Variants in EPSTI1 observed in about 807,000 individuals in gnomAD.
EPSTI1 encodes the protein epithelial-stromal interaction protein 1.
In EPSTI1, 66 loss-of-function variants were observed where a neutral mutation model predicts 49.9. The observed-to-expected ratio is 1.32, with a 90% CI of 1.08 to 1.62. The LOEUF is 1.62. Among genes scored for constraint, EPSTI1 ranks in the 40% most tolerant of loss-of-function variants. The pLI is 0.00. For missense variants in EPSTI1, 394 were observed against 365.5 expected (o/e 1.08, Z -0.64); for synonymous variants, 137 against 130.7 (o/e 1.05, Z -0.33).
chr13:42,963,662 C>A, intron 4 of EPSTI1: 1 of 322,986 alleles, frequency 3.1e-6, no homozygotes. Flanking sequence ...ATAATTTTTC[C>A]TGATTACAAA....
intron 6 of EPSTI1, among the ~76,000 whole-genome samples, chr13:42,935,601 AT>A (rs1029066476): frequency 7.8e-4 from 119 of 151,868 alleles, no homozygotes; most frequent in African/African-American, 2.7e-3. Context: ...TTTATTTTTT[AT>A]TTTTTTGAGG....
At chr13:42,968,345 A>C (rs2039674171) in intron 3 of EPSTI1, among the ~76,000 whole-genome samples, 1 of 151,866 alleles carries the variant, frequency 6.6e-6, no homozygotes, top group Non-Finnish European at 1.5e-5. Flanking sequence ...GGGTGTGGGG[A>C]GGGAACTTCT....
intron 6 of EPSTI1, among the ~76,000 whole-genome samples, chr13:42,942,024 GT>G (rs1243378962): frequency 6.6e-6 from 1 of 152,090 alleles, no homozygotes. Context: ...TTTGTCATAT[GT>G]ATTTCAAACC....
chr13:42,924,175 A>T (rs747770266), intron 7 of EPSTI1, among the ~76,000 whole-genome samples: 1 of 152,262 alleles, frequency 6.6e-6, no homozygotes, highest in Non-Finnish European at 1.5e-5. Flanking sequence ...CAGAATGAGA[A>T]GAGTATAATA....
intron 9 of EPSTI1, among the ~76,000 whole-genome samples, chr13:42,898,360 T>C (rs1263802964): frequency 6.6e-6 from 1 of 152,232 alleles, no homozygotes; most frequent in East Asian, 1.9e-4. Context: ...TCATTGAGTA[T>C]GTATTCTCAC....
At chr13:42,983,324 G>C (rs1005555628) in intron 1 of EPSTI1, among the ~76,000 whole-genome samples, 2 of 152,066 alleles carry the variant, frequency 1.3e-5, no homozygotes, top group African/African-American at 2.4e-5. Flanking sequence ...TCAGCACTTT[G>C]GGAGGCCAAG....
At chr13:42,925,331 TG>T (rs2038137197) in intron 7 of EPSTI1, among the ~76,000 whole-genome samples, 1 of 152,180 alleles carries the variant, frequency 6.6e-6, no homozygotes, top group East Asian at 1.9e-4. Context: ...GCTCACAGAA[TG>T]GGGTTTAGGT....
At chr13:42,974,490 T>C (rs1239601745) in intron 1 of EPSTI1, among the ~76,000 whole-genome samples, 3 of 127,886 alleles carry the variant, frequency 2.3e-5, no homozygotes, top group East Asian at 4.7e-4. Context: ...ACCCCGTCTC[T>C]ACTAAAAATA....
At chr13:42,942,763 A>T (rs1326855526) in intron 6 of EPSTI1, among the ~76,000 whole-genome samples, 2 of 132,238 alleles carry the variant, frequency 1.5e-5, no homozygotes, top group Non-Finnish European at 1.5e-5. Flanking sequence ...ATCTCGGCTC[A>T]CTGCAAGCTC....
chr13:42,961,772 G>C (rs976312698), intron 5 of EPSTI1, among the ~76,000 whole-genome samples: 2 of 152,172 alleles, frequency 1.3e-5, no homozygotes, highest in African/African-American at 4.8e-5. Flanking sequence ...CAGCCAGTGG[G>C]GGAAGACCAG....
At position 42,992,186 on chromosome 13, in the gene EPSTI1, C is replaced by T. The variant is rs780667409; in HGVS notation, c.-21G>A. ...TTCATGGTTCACAGCCCGCGGGTCCCGGGCCGCCGTCGCTGCGGGAGGGAT... is the reference window on the plus strand; with the variant it reads ...TTCATGGTTCACAGCCCGCGGGTCCTGGGCCGCCGTCGCTGCGGGAGGGAT... On this transcript the variant is annotated 5_prime_UTR_variant, in exon 1 of 11. Transcript: ENST00000313624. 30 of 1,522,284 alleles carry T rather than the reference C, an allele frequency of 2.0e-5. No individual in the cohort carries two copies. The highest frequency in any genetic ancestry group is 2.6e-5 in the Non-Finnish European group (30 of 1,136,482). The allele number at this position is 1,522,284 out of a possible 1,614,324, so 94.3% of individuals were successfully genotyped here.
intron 1 of EPSTI1, among the ~76,000 whole-genome samples, chr13:42,971,253 T>A (rs961827887): frequency 6.6e-6 from 1 of 152,180 alleles, no homozygotes; most frequent in African/African-American, 2.4e-5. Flanking sequence ...GGAAGACTTT[T>A]TAAGAAAAAT....
chr13:42,922,656 G>C lies in EPSTI1; in HGVS notation c.657+3680C>G, dbSNP rs2038045103. On this transcript the variant is annotated intron_variant, in intron 7 of 10. Transcript: ENST00000313624. This position sits in a 1 kb window ranked among gnomAD's most constrained non-coding sequence, Gnocchi z 4.8. ...TAATTTGTTACAGCAGCAAAGGGAA[G>C]TGTTCAAATGTTGCGGTGGAAGTGG... 6.6e-6 allele frequency among the ~76,000 whole-genome samples: 1 copy of C among 152,222 alleles called. No individual in the cohort carries two copies. The highest frequency in any genetic ancestry group is 2.4e-5 in the African/African-American group (1 of 41,466).
chr13:42,931,842 G>GT lies in EPSTI1; in HGVS notation c.564-5414dup, dbSNP rs1447524560. ...ACATTCTTATGGATGGATATTTATA[G>GT]TTTTTTCCAGTGAGCATCCTGGTAT... On this transcript the variant is annotated intron_variant, in intron 6 of 10. Coordinates refer to ENST00000313624, the MANE Select transcript of EPSTI1 (RefSeq NM_033255.5). Among the ~76,000 whole-genome samples, 4 of 152,236 alleles carry GT rather than the reference G, an allele frequency of 2.6e-5. No individual in the cohort carries two copies. In the East Asian group the frequency reaches 5.8e-4, roughly 22 times the overall value.
At chr13:42,924,574 T>C (rs1183886763) in intron 7 of EPSTI1, among the ~76,000 whole-genome samples, 1 of 152,194 alleles carries the variant, frequency 6.6e-6, no homozygotes, top group Non-Finnish European at 1.5e-5. Context: ...ATCCAACTCC[T>C]GTTCTCCCTC....
chr13:42,909,484 C>A lies in EPSTI1; in HGVS notation c.741+8057G>T, dbSNP rs1190564298. 2.6e-5 allele frequency among the ~76,000 whole-genome samples: 4 copies of A among 152,144 alleles called. No individual in the cohort carries two copies. The South Asian group carries it at 6.2e-4, about 24-fold the overall frequency. On this transcript the variant is annotated intron_variant, in intron 8 of 10. Coordinates refer to ENST00000313624, the MANE Select transcript of EPSTI1 (RefSeq NM_033255.5). ...CAAGTATGTCAAAGAGATATCTGCA[C>A]CCCCATGTTTATTGCAGTACTGTTC...
intron 1 of EPSTI1, among the ~76,000 whole-genome samples, chr13:42,982,873 T>C (rs2040010567): frequency 6.6e-6 from 1 of 152,138 alleles, no homozygotes; most frequent in South Asian, 2.1e-4. Flanking sequence ...CCTAAACCCA[T>C]AGGAAAGAAG....
intron 7 of EPSTI1, chr13:42,919,310 T>TC (rs1339575986): frequency 6.2e-7 from 1 of 1,613,584 alleles, no homozygotes; most frequent in Non-Finnish European, 8.5e-7. Flanking sequence ...CCAGCTGTGA[T>TC]CCCTAGGCAG....
At chr13:42,935,191 C>CA in intron 6 of EPSTI1, among the ~76,000 whole-genome samples, 1 of 152,324 alleles carries the variant, frequency 6.6e-6, no homozygotes, top group South Asian at 2.1e-4. Flanking sequence ...CAAGTACTAT[C>CA]AATATAACAA....
Sources: allele counts gnomAD v4.1 joint callset (sites outside exome capture counted in the v4.1 genomes callset), GRCh38; gene constraint gnomAD v4.1.1; non-coding constraint Gnocchi (gnomAD v3.1); transcripts MANE v1.5; gene names NCBI Gene and HGNC (gene_info 2026-07-23, HGNC 2026-07-21).